The following BRINP3 variants were observed in gnomAD, a reference collection of about 807,000 sequenced individuals.
The protein encoded by BRINP3 is BMP/retinoic acid-inducible neural-specific protein 3.
BRINP3 carries 19 observed loss-of-function variants against 71.0 expected under a neutral mutation model. That is an observed-to-expected ratio of 0.27 (90% confidence interval 0.19 to 0.39). BRINP3 has a LOEUF of 0.39. Ranked by LOEUF, BRINP3 falls within the 10% of genes least tolerant of loss-of-function variation. The pLI, the probability that BRINP3 is intolerant of heterozygous loss-of-function variation, is 1.00. For missense variants in BRINP3, 959 were observed against 940.8 expected (o/e 1.02, Z -0.25); for synonymous variants, 380 against 337.7 (o/e 1.13, Z -1.37).
At chr1:190,455,880 T>A (rs1675950829) in intron 1 of BRINP3, among the ~76,000 whole-genome samples, 1 of 152,216 alleles carries the variant, frequency 6.6e-6, no homozygotes, top group Non-Finnish European at 1.5e-5. Context: ...TATGCAAAGC[T>A]GCTGATGCAA....
chr1:190,383,648 T>C (rs1372392667), intron 2 of BRINP3, among the ~76,000 whole-genome samples: 1 of 152,150 alleles, frequency 6.6e-6, no homozygotes, highest in East Asian at 1.9e-4. Flanking sequence ...TTTGCCACTT[T>C]GCAATCCATT....
At chr1:190,439,193 C>G (rs960840122) in intron 2 of BRINP3, among the ~76,000 whole-genome samples, 1 of 151,822 alleles carries the variant, frequency 6.6e-6, no homozygotes, top group African/African-American at 2.4e-5. Context: ...TTACCCTGCA[C>G]TCTTATCTTC....
intron 2 of BRINP3, among the ~76,000 whole-genome samples, chr1:190,386,468 C>A (rs943347254): frequency 6.6e-5 from 10 of 151,518 alleles, no homozygotes; most frequent in Admixed American, 2.0e-4. Flanking sequence ...AATGTCTAAA[C>A]AAATAAGTAT....
At chr1:190,180,547 G>A (rs1652939839) in intron 6 of BRINP3, among the ~76,000 whole-genome samples, 1 of 151,996 alleles carries the variant, frequency 6.6e-6, no homozygotes. Flanking sequence ...ACGTTTTACA[G>A]GAATATGAAG....
intron 7 of BRINP3, among the ~76,000 whole-genome samples, chr1:190,124,036 C>A (rs1653891596): frequency 6.6e-6 from 1 of 152,024 alleles, no homozygotes; most frequent in African/African-American, 2.4e-5. Flanking sequence ...ATGGCATATG[C>A]CCTTATGCTA....
At chr1:190,169,928 T>C (rs1254819269) in intron 6 of BRINP3, among the ~76,000 whole-genome samples, 2 of 152,148 alleles carry the variant, frequency 1.3e-5, no homozygotes, top group East Asian at 3.9e-4. Context: ...CATTATAATC[T>C]ACATTTTGCT....
At chr1:190,341,725 A>G (rs1320536504) in intron 2 of BRINP3, among the ~76,000 whole-genome samples, 1 of 151,830 alleles carries the variant, frequency 6.6e-6, no homozygotes, top group African/African-American at 2.4e-5. Context: ...GTTGAAAAAA[A>G]ATTACATGCA....
At chr1:190,447,665 T>C (rs1289824900) in intron 2 of BRINP3, among the ~76,000 whole-genome samples, 1 of 150,350 alleles carries the variant, frequency 6.7e-6, no homozygotes, top group Non-Finnish European at 1.5e-5. Flanking sequence ...AAAACACTTC[T>C]GACGTATGTT....
At chr1:190,342,783 T>A (rs567795229) in intron 2 of BRINP3, 1 of 151,932 alleles carries the variant, frequency 6.6e-6, no homozygotes, top group African/African-American at 2.4e-5. Context: ...TGATCTCAGT[T>A]ATATAAACTA....
intron 4 of BRINP3, among the ~76,000 whole-genome samples, chr1:190,260,101 A>C (rs2102856293): frequency 6.6e-6 from 1 of 151,942 alleles, no homozygotes; most frequent in East Asian, 1.9e-4. Context: ...AAAGGAAAGC[A>C]AAAACAGAGT....
intron 2 of BRINP3, among the ~76,000 whole-genome samples, chr1:190,356,453 T>C (rs1315085359): frequency 6.6e-6 from 1 of 151,984 alleles, no homozygotes; most frequent in East Asian, 1.9e-4. Context: ...CAGCAGTACA[T>C]CCCAAACGTA....
At chr1:190,242,967 G>A (rs1659249946) in intron 4 of BRINP3, among the ~76,000 whole-genome samples, 2 of 152,000 alleles carry the variant, frequency 1.3e-5, no homozygotes, top group African/African-American at 4.8e-5. Context: ...GGCCAGGCAC[G>A]ACTACAATGA....
intron 2 of BRINP3, among the ~76,000 whole-genome samples, chr1:190,324,650 G>T (rs1433331847): frequency 2.0e-5 from 3 of 151,796 alleles, no homozygotes; most frequent in East Asian, 3.9e-4. Flanking sequence ...TATTAATAAT[G>T]ATTACTGCTA....
chr1:190,251,910 T>C (rs1660182142), intron 4 of BRINP3, among the ~76,000 whole-genome samples: 1 of 150,818 alleles, frequency 6.6e-6, no homozygotes, highest in Non-Finnish European at 1.5e-5. Flanking sequence ...GTAGGCAAAC[T>C]AATCCAGTTT....
intron 7 of BRINP3, among the ~76,000 whole-genome samples, chr1:190,137,257 T>C (rs939260656): frequency 6.6e-6 from 1 of 152,076 alleles, no homozygotes; most frequent in Non-Finnish European, 1.5e-5. Flanking sequence ...TGAAGAATTA[T>C]AGATGAAAGA....
chr1:190,214,490 T>C (rs1558072009), intron 6 of BRINP3, among the ~76,000 whole-genome samples: 1 of 151,988 alleles, frequency 6.6e-6, no homozygotes, highest in Non-Finnish European at 1.5e-5. Flanking sequence ...GTAGAGTCAT[T>C]GGAACTTCTC....
At chr1:190,303,522 C>A (rs537802714) in intron 2 of BRINP3, among the ~76,000 whole-genome samples, 4 of 151,612 alleles carry the variant, frequency 2.6e-5, no homozygotes, top group Non-Finnish European at 5.9e-5. Flanking sequence ...AATAAATAAG[C>A]TTTTAAGCAT....
At chr1:190,383,596 G>A (rs1490584686) in intron 2 of BRINP3, among the ~76,000 whole-genome samples, 1 of 152,030 alleles carries the variant, frequency 6.6e-6, no homozygotes, top group Non-Finnish European at 1.5e-5. Flanking sequence ...AACATGAGTA[G>A]TGAAATAAAT....
intron 7 of BRINP3, among the ~76,000 whole-genome samples, chr1:190,132,891 C>T (rs1398865021): frequency 6.6e-6 from 1 of 152,074 alleles, no homozygotes; most frequent in African/African-American, 2.4e-5. Flanking sequence ...TTGAAGGAAG[C>T]CAGCTAACAC....
Sources: gnomAD v4.1 joint callset for allele counts (sites outside exome capture counted in the v4.1 genomes callset) on GRCh38, gnomAD v4.1.1 for gene constraint, MANE v1.5 for transcripts, NCBI Gene and HGNC (gene_info 2026-07-23, HGNC 2026-07-21) for gene names.